Variants in LRRC49 observed in about 807,000 individuals in gnomAD.
LRRC49 encodes the protein leucine rich repeat containing 49, also known as leucine-rich repeat-containing protein 49.
In LRRC49, 50 loss-of-function variants were observed where a neutral mutation model predicts 83.3. The ratio of observed to expected loss-of-function variants is 0.60; its 90% confidence interval spans 0.48 to 0.76. LRRC49 has a LOEUF of 0.76. LRRC49 is among the 30% of genes least tolerant of loss of function. The probability of loss-of-function intolerance (pLI) is 0.00; values close to 1 mark genes in which losing one functional copy is unlikely to be tolerated. For missense variants in LRRC49, 704 were observed against 809.1 expected (o/e 0.87, Z 1.58); for synonymous variants, 286 against 283.3 (o/e 1.01, Z -0.10).
intron 11 of LRRC49, among the ~76,000 whole-genome samples, chr15:71,003,944 C>T (rs2038360186): frequency 1.3e-5 from 2 of 152,274 alleles, no homozygotes; most frequent in South Asian, 4.1e-4. Context: ...CCTCTCCCTA[C>T]TATGTCCTCC....
intron 11 of LRRC49, among the ~76,000 whole-genome samples, chr15:70,987,389 T>C (rs1596104406): frequency 6.6e-6 from 1 of 152,362 alleles, no homozygotes; most frequent in East Asian, 1.9e-4. Flanking sequence ...GAGGAATTTA[T>C]CCATTTCTTC....
chr15:70,900,235 CATCT>C (rs1039365312), intron 3 of LRRC49: 5 of 266,858 alleles, frequency 1.9e-5, no homozygotes, highest in South Asian at 1.2e-4. Flanking sequence ...GCAAGGACAC[CATCT>C]AACAAACAGC....
intron 14 of LRRC49, among the ~76,000 whole-genome samples, chr15:71,024,238 C>T (rs191032941): frequency 1.3e-5 from 2 of 152,296 alleles, no homozygotes; most frequent in East Asian, 3.9e-4. Flanking sequence ...GCAGTGCACC[C>T]CTTCCACTAA....
In LRRC49 at chr15:70,892,863, G is replaced by A. The variant is rs758285859; in HGVS notation, c.-32G>A. On this transcript the variant is annotated 5_prime_UTR_variant, in exon 1 of 16. Coordinates refer to ENST00000260382, the MANE Select transcript of LRRC49 (RefSeq NM_017691.5). ...CCGCTGTAGCGTCACCTGGAAGGCAGATCTAACAGAGAACCTGGACTGTCT... is the reference window on the plus strand; with the variant it reads ...CCGCTGTAGCGTCACCTGGAAGGCAAATCTAACAGAGAACCTGGACTGTCT... 4 of 1,614,084 alleles carry A rather than the reference G, an allele frequency of 2.5e-6. No homozygotes were observed. In the African/African-American group the frequency reaches 5.3e-5, roughly 22 times the overall value.
chr15:71,052,230 T>C lies in LRRC49; in HGVS notation c.*2618T>C, dbSNP rs2040003528. The stretch of plus-strand genomic sequence containing the variant: ...AGGGGAAGAGATGCAAATCCCATAG[T>C]CTGAGACTCTCTAGGCTAGTGTGTG... On this transcript the variant is annotated 3_prime_UTR_variant, in exon 16 of 16. Transcript: ENST00000260382. 1 of 152,228 alleles carries C rather than the reference T, an allele frequency of 6.6e-6. No individual in the cohort carries two copies. The highest frequency in any genetic ancestry group is 2.4e-5 in the African/African-American group (1 of 41,442). The allele number at this position is 152,228 out of a possible 1,614,324, so 9.4% of individuals were successfully genotyped here.
chr15:70,895,918 A>C lies in LRRC49; in HGVS notation c.175A>C (p.Asn59His). The change falls in exon 3 of 16, where the codon AAC becomes CAC. Residue 59 changes from asparagine to histidine, a missense_variant. Asn to His is a moderately conservative substitution (Grantham distance 68). This residue lies in a region of LRRC49 where 261 missense variants were observed against 330.5 expected (regional missense o/e 0.79). Transcript: ENST00000260382. Reference sequence around the variant, plus strand: ...ACTTTTACAACATGACCTTGAAAGAAACTACTCAAGTAGGCAAGGTATTGT... The same window carrying C: ...ACTTTTACAACATGACCTTGAAAGACACTACTCAAGTAGGCAAGGTATTGT... ...GRLLQHDLERNYSSRQGDHIN... is the reference protein window; with the variant it reads ...GRLLQHDLERHYSSRQGDHIN... 1 of 1,607,222 alleles carries C rather than the reference A, an allele frequency of 6.2e-7. No individual in the cohort carries two copies.
chr15:70,933,286 T>C (rs1400639579), intron 7 of LRRC49, among the ~76,000 whole-genome samples: 1 of 152,150 alleles, frequency 6.6e-6, no homozygotes, highest in Non-Finnish European at 1.5e-5. Context: ...AAATAATAAA[T>C]TTAAGATAAT....
rs2141319564 is a variant in LRRC49 at position 71,051,272 on chromosome 15, T to A, written c.*1660T>A. ...AACAATGCATGTAAAGCATTTCTCA[T>A]CATGCCTGGCACACAGCAAACACCC... On this transcript the variant is annotated 3_prime_UTR_variant, in exon 16 of 16. Coordinates refer to ENST00000260382, the MANE Select transcript of LRRC49 (RefSeq NM_017691.5). 1 of 152,290 alleles carries A rather than the reference T, an allele frequency of 6.6e-6. No individual in the cohort carries two copies. Among genetic ancestry groups the A allele is most frequent in the Non-Finnish European group, 1.5e-5 (1 of 68,100 alleles). The allele number at this position is 152,290 out of a possible 1,614,324, so 9.4% of individuals were successfully genotyped here.
intron 11 of LRRC49, among the ~76,000 whole-genome samples, chr15:70,996,681 G>A (rs199629423): frequency 6.6e-6 from 1 of 152,076 alleles, no homozygotes; most frequent in East Asian, 1.9e-4. Context: ...GGTAGCTTTT[G>A]TAATGTGTAT....
At chr15:70,910,798 G>A (rs2034519410) in intron 5 of LRRC49, among the ~76,000 whole-genome samples, 1 of 152,122 alleles carries the variant, frequency 6.6e-6, no homozygotes, top group Non-Finnish European at 1.5e-5. Context: ...ATGAGTGCTG[G>A]GGATAGAGTA....
At chr15:70,998,290 G>C (rs575256629) in intron 11 of LRRC49, among the ~76,000 whole-genome samples, 1 of 151,888 alleles carries the variant, frequency 6.6e-6, no homozygotes. Context: ...TTATTTCTTC[G>C]TATGACTTCA....
Position 71,012,817 on chromosome 15 carries a change from A to G in LRRC49, c.1607A>G (p.Asp536Gly). The G allele has an allele frequency of 6.2e-7, 1 of 1,609,724 alleles. No individual in the cohort carries two copies. Among genetic ancestry groups the G allele is most frequent in the Non-Finnish European group, 8.5e-7 (1 of 1,176,804 alleles). Residue 536 changes from aspartate to glycine, a missense_variant, in exon 14 of 16, where the codon GAT becomes GGT. Coordinates refer to ENST00000260382, the MANE Select transcript of LRRC49 (RefSeq NM_017691.5). ...GTGTCTCTTCAGGTGACACAGAATG[A>G]TATGATAATGGCTGAAAGGCTCTTT... ...KINGTEVTQN[D>G]MIMAERLFGI...
intron 6 of LRRC49, among the ~76,000 whole-genome samples, chr15:70,912,944 T>G (rs1465544814): frequency 6.6e-6 from 1 of 152,230 alleles, no homozygotes; most frequent in Non-Finnish European, 1.5e-5. Flanking sequence ...CCCAAAGTGC[T>G]GGGATTACAG....
chr15:70,947,317 T>TC (rs2036044019), intron 8 of LRRC49, among the ~76,000 whole-genome samples: 1 of 152,194 alleles, frequency 6.6e-6, no homozygotes, highest in Admixed American at 6.5e-5. Context: ...TCTAAAGAAT[T>TC]CAAGTTTTTT....
upstream of LRRC49, among the ~76,000 whole-genome samples, chr15:70,889,233 A>G (rs2033488737): frequency 6.6e-6 from 1 of 152,258 alleles, no homozygotes; most frequent in Non-Finnish European, 1.5e-5. Context: ...ACAATGGAAT[A>G]CTACATAATA....
intron 8 of LRRC49, among the ~76,000 whole-genome samples, chr15:70,948,823 G>A (rs989283913): frequency 1.3e-5 from 2 of 152,094 alleles, no homozygotes; most frequent in African/African-American, 2.4e-5. Context: ...GGCCATCTCA[G>A]TGGATAGAAT....
At position 70,855,126 on chromosome 15, in the gene LRRC49, G is replaced by A. The variant is rs761176491; in HGVS notation, c.-299+1657G>A. 1.3e-4 allele frequency among the ~76,000 whole-genome samples: 20 copies of A among 152,072 alleles called. 2 individuals carry two copies. The highest frequency in any genetic ancestry group is 1.2e-3 in the Admixed American group (19 of 15,266). On this transcript the variant is annotated intron_variant, in intron 1 of 16. Coordinates refer to the LRRC49 transcript ENST00000544974. ...AGGCGGGCGGATCACGAGGTCAAGA[G>A]ATCGAGACCATCCTGGCCAACATGG...
chr15:70,998,012 T>C (rs2141248255), intron 11 of LRRC49, among the ~76,000 whole-genome samples: 1 of 152,332 alleles, frequency 6.6e-6, no homozygotes, highest in East Asian at 1.9e-4. Flanking sequence ...ACCCTGGGGA[T>C]TACAATTAAC....
At chr15:70,957,405 G>A (rs986943377) in intron 8 of LRRC49, among the ~76,000 whole-genome samples, 2 of 151,728 alleles carry the variant, frequency 1.3e-5, no homozygotes, top group African/African-American at 4.8e-5. Context: ...TAATATATAG[G>A]GTCATAATGC....
Sources: gnomAD v4.1 joint callset for allele counts (sites outside exome capture counted in the v4.1 genomes callset) on GRCh38, gnomAD v4.1.1 for gene constraint, gnomAD v4.1.1 regional missense constraint, MANE v1.5 for transcripts, NCBI Gene and HGNC (gene_info 2026-07-23, HGNC 2026-07-21) for gene names.